The following ZMYM1 variants were observed in gnomAD, a reference collection of about 807,000 sequenced individuals.
ZMYM1 encodes the protein zinc finger MYM-type protein 1.
A neutral mutation model predicts 60.0 loss-of-function variants in ZMYM1; 39 were observed. The observed-to-expected ratio is 0.65, with a 90% confidence interval of 0.50 to 0.85. The LOEUF is 0.85. Among genes scored for constraint, ZMYM1 ranks in the 40% least tolerant of loss-of-function variants. The pLI is 0.00. For synonymous variants in ZMYM1, 413 were observed against 454.0 expected, an observed-to-expected ratio of 0.91 and a Z score of 1.15; for missense variants, 1,171 against 1,309.5, an observed-to-expected ratio of 0.89 and a Z score of 1.63.
chr1:35,101,275 A>G (rs1557683183), intron 4 of ZMYM1, among the ~76,000 whole-genome samples: 1 of 150,748 alleles, frequency 6.6e-6, no homozygotes, highest in Non-Finnish European at 1.5e-5. Context: ...TGCCCCGTTA[A>G]TTTTTGTATT....
intron 4 of ZMYM1, among the ~76,000 whole-genome samples, chr1:35,101,749 C>T (rs565521991): frequency 5.3e-5 from 8 of 151,902 alleles, no homozygotes; most frequent in East Asian, 1.9e-4. Context: ...TTAGTAGAGA[C>T]GGGGTTGGCC....
intron 8 of ZMYM1, 22 bp from the exon 9 acceptor site, chr1:35,112,065 A>C (rs1302888939): frequency 6.2e-7 from 1 of 1,609,950 alleles, no homozygotes; most frequent in East Asian, 2.2e-5. Context: ...TAAGATCTTG[A>C]ATTTATGCTC....
At chr1:35,095,778 G>C in intron 2 of ZMYM1, 41 bp from the exon 3 acceptor site, 1 of 1,416,866 alleles carries the variant, frequency 7.1e-7, no homozygotes, top group South Asian at 1.3e-5. Context: ...TAAATTCATT[G>C]TATTCACTAT....
chr1:35,091,693 G>A (rs1315394460), intron 1 of ZMYM1, among the ~76,000 whole-genome samples: 4 of 150,238 alleles, frequency 2.7e-5, no homozygotes, highest in African/African-American at 4.9e-5. Flanking sequence ...CCAGGAGTTC[G>A]AGATCAGTCT....
intron 1 of ZMYM1, among the ~76,000 whole-genome samples, chr1:35,064,057 G>A (rs139371456): frequency 1.3e-5 from 2 of 152,250 alleles, no homozygotes; most frequent in East Asian, 3.9e-4. Flanking sequence ...CGGGCACAGT[G>A]GCTCACGCCT....
chr1:35,084,565 TG>T (rs1642559129), intron 1 of ZMYM1, among the ~76,000 whole-genome samples: 2 of 152,342 alleles, frequency 1.3e-5, no homozygotes, highest in Admixed American at 1.3e-4. Flanking sequence ...CTTTTCCTCC[TG>T]GGGCATAGCC....
intron 1 of ZMYM1, among the ~76,000 whole-genome samples, chr1:35,068,278 G>T (rs1642006287): frequency 6.6e-6 from 1 of 151,682 alleles, no homozygotes; most frequent in African/African-American, 2.4e-5. Flanking sequence ...AATTATCCAG[G>T]TGTGGTGTCA....
chr1:35,103,774 T>C (rs1643777809), intron 4 of ZMYM1, among the ~76,000 whole-genome samples: 1 of 152,216 alleles, frequency 6.6e-6, no homozygotes, highest in Non-Finnish European at 1.5e-5. Flanking sequence ...CATCTTACTA[T>C]GAAAATAGTT....
chr1:35,105,458 G>A (rs1183294141), intron 6 of ZMYM1, among the ~76,000 whole-genome samples: 2 of 151,698 alleles, frequency 1.3e-5, no homozygotes, highest in Admixed American at 6.6e-5. Context: ...TTTTGAGACG[G>A]AGTCTCGCTG....
chr1:35,077,336 T>C (rs1642184396), upstream of ZMYM1, among the ~76,000 whole-genome samples: 1 of 152,174 alleles, frequency 6.6e-6, no homozygotes, highest in Admixed American at 6.6e-5. Flanking sequence ...CTGTCCTTGT[T>C]CCTTCCTGGG....
intron 1 of ZMYM1, among the ~76,000 whole-genome samples, chr1:35,083,100 A>AT (rs1642474961): frequency 6.6e-6 from 1 of 151,400 alleles, no homozygotes; most frequent in Admixed American, 6.6e-5. Flanking sequence ...TTTTAAGTAG[A>AT]TTTTTCCCCA....
chr1:35,066,161 T>C (rs1042758843), intron 1 of ZMYM1, among the ~76,000 whole-genome samples: 4 of 152,226 alleles, frequency 2.6e-5, no homozygotes, highest in Non-Finnish European at 5.9e-5. Flanking sequence ...CAAAAACCAA[T>C]TGTATTTTTA....
At chr1:35,111,953 T>G in intron 8 of ZMYM1, 41 bp downstream of exon 8, 1 of 1,561,106 alleles carries the variant, frequency 6.4e-7, no homozygotes, top group South Asian at 1.2e-5. Flanking sequence ...AATATTGTTT[T>G]GTCATACTTG....
In ZMYM1 at chr1:35,088,454, ATGTGTGTGTG is replaced by A. The variant is rs764350525; in HGVS notation, c.-74-5422_-74-5413del. ...TATGTGTATATATATATATATATAT[ATGTGTGTGTG>A]TGTGTGTGTGTGTGTGTGTGTGTGT... On this transcript the variant is annotated intron_variant, in intron 1 of 9. Transcript: ENST00000359858. Among the ~76,000 whole-genome samples the A allele has an allele frequency of 1.8e-3, 198 of 107,214 alleles. 1 individual carries two copies. Among genetic ancestry groups the A allele is most frequent in the South Asian group, 6.6e-3 (21 of 3,172 alleles). 70.3% of individuals were successfully genotyped at this position (107,214 alleles called of 152,430 possible). A position where few individuals can be genotyped will look rare whatever the true frequency, so the allele number is the denominator to read the frequency against.
downstream of ZMYM1, among the ~76,000 whole-genome samples, chr1:35,116,582 C>T (rs1316564732): frequency 6.6e-6 from 1 of 152,112 alleles, no homozygotes; most frequent in African/African-American, 2.4e-5. Flanking sequence ...CTCAGCCTCC[C>T]AAGTAGCTGG....
At chr1:35,116,992 C>G (rs1164387541), downstream of ZMYM1, among the ~76,000 whole-genome samples, 1 of 150,624 alleles carries the variant, frequency 6.6e-6, no homozygotes, top group Admixed American at 6.6e-5. Context: ...TACAGGCGCC[C>G]GCCACTGTGC....
At chr1:35,078,737 C>T (rs1354408879), upstream of ZMYM1, among the ~76,000 whole-genome samples, 2 of 151,628 alleles carry the variant, frequency 1.3e-5, no homozygotes, top group African/African-American at 2.4e-5. Context: ...TTAATAGAGA[C>T]GGGGTTTCAC....
intron 1 of ZMYM1, chr1:35,093,172 A>G (rs1379175161): frequency 6.6e-6 from 1 of 152,344 alleles, no homozygotes; most frequent in Non-Finnish European, 1.5e-5. Context: ...AAATGCTTAT[A>G]TCCTGGAATC....
At position 35,113,468 on chromosome 1, in the gene ZMYM1, G is replaced by T. The variant is rs1241065491; in HGVS notation, c.1638G>T (p.Gln546His). 3.1e-6 allele frequency: 5 copies of T among 1,612,370 alleles called. No homozygotes were observed. Among genetic ancestry groups the T allele is most frequent in the Non-Finnish European group, 4.2e-6 (5 of 1,179,574 alleles). The part of the protein sequence containing the change: ...VSDDLSIHSK[Q>H]IEGNKKYLKL... ...ACGATTTATCTATTCATTCGAAACA[G>T]ATTGAGGGAAATAAAAAGTACCTAA... Residue 546 changes from glutamine (Q) to histidine (H), a missense_variant, in exon 10 of 10, where the codon CAG (glutamine) becomes CAT (histidine). Gln to His is a conservative substitution (Grantham distance 24). Coordinates refer to ENST00000359858, the MANE Select transcript of ZMYM1 (RefSeq NM_024772.5).
Sources: gnomAD v4.1 joint callset for allele counts (sites outside exome capture counted in the v4.1 genomes callset) on GRCh38, gnomAD v4.1.1 for gene constraint, MANE v1.5 for transcripts, NCBI Gene and HGNC (gene_info 2026-07-23, HGNC 2026-07-21) for gene names.